The following PDE1A variants were observed in gnomAD, a reference collection of about 807,000 sequenced individuals.
PDE1A encodes the protein phosphodiesterase 1A, also known as dual specificity calcium/calmodulin-dependent 3',5'-cyclic nucleotide phosphodiesterase 1A.
In PDE1A, 35 loss-of-function variants were observed where a neutral mutation model predicts 61.7. The observed-to-expected ratio is 0.57, with a 90% CI of 0.43 to 0.75. The LOEUF is 0.75. Among genes scored for constraint, PDE1A ranks in the 30% least tolerant of loss-of-function variants. PDE1A has a pLI of 0.00. For missense variants in PDE1A, 597 were observed against 630.6 expected (o/e 0.95, Z 0.57); for synonymous variants, 232 against 213.2 (o/e 1.09, Z -0.77).
chr2:182,385,146 G>C (rs748391310), intron 1 of PDE1A, among the ~76,000 whole-genome samples: 11 of 152,154 alleles, frequency 7.2e-5, no homozygotes, highest in Admixed American at 1.3e-4. Context: ...CACCAGGCCT[G>C]TCTTACAAGA....
At chr2:182,662,090 T>C in the PDE1A span, among the ~76,000 whole-genome samples, 2 of 151,904 alleles carry the variant, frequency 1.3e-5, no homozygotes, top group Admixed American at 6.6e-5. Flanking sequence ...GGGCTTACCC[T>C]ACCTAACATG....
chr2:182,214,360 C>T lies in PDE1A; in HGVS notation c.777-8295G>A, dbSNP rs551527783. On this transcript the variant is annotated intron_variant, in intron 7 of 13. Coordinates refer to ENST00000351439, the Ensembl canonical transcript of PDE1A. ...ACTAGGAAGAAACTGCATCAACTAA[C>T]GAGCAAAATAACCAGCCAACATCAT... 7.6e-3 allele frequency among the ~76,000 whole-genome samples: 1,126 copies of T among 149,098 alleles called. 13 individuals are homozygous for T. The highest frequency in any genetic ancestry group is 0.025 in the African/African-American group (1,012 of 40,818).
At chr2:182,399,858 AG>A (rs760404807) in intron 1 of PDE1A, among the ~76,000 whole-genome samples, 2 of 152,108 alleles carry the variant, frequency 1.3e-5, no homozygotes, top group African/African-American at 2.4e-5. Flanking sequence ...TTTCTAATTT[AG>A]GCAGTTACAA....
intron 2 of PDE1A, among the ~76,000 whole-genome samples, chr2:182,493,766 TC>T (rs1257683453): frequency 4.6e-5 from 7 of 152,208 alleles, no homozygotes; most frequent in Non-Finnish European, 1.0e-4. Flanking sequence ...TGAGTTCATG[TC>T]CTTTGTAGGA....
At chr2:182,635,181 T>C in the PDE1A span, among the ~76,000 whole-genome samples, 1 of 152,094 alleles carries the variant, frequency 6.6e-6, no homozygotes, top group African/African-American at 2.4e-5. Flanking sequence ...TCGGTATTTT[T>C]TCTTTAGAAT....
chr2:182,348,932 G>C (rs1442267090), intron 1 of PDE1A, among the ~76,000 whole-genome samples: 1 of 152,074 alleles, frequency 6.6e-6, no homozygotes, highest in Non-Finnish European at 1.5e-5. Context: ...AAGGAGGTGG[G>C]ACAGTTTGAA....
At chr2:182,266,122 T>TA (rs1161653349) in intron 1 of PDE1A, among the ~76,000 whole-genome samples, 3 of 152,338 alleles carry the variant, frequency 2.0e-5, no homozygotes, top group Admixed American at 2.0e-4. Context: ...TTACTTTTTT[T>TA]ATGCCATTTA....
the PDE1A span, among the ~76,000 whole-genome samples, chr2:182,573,374 G>A: frequency 6.6e-6 from 1 of 152,086 alleles, no homozygotes; most frequent in Admixed American, 6.5e-5. Flanking sequence ...CAAGCTGAAC[G>A]ATGCCATAAG....
chr2:182,492,950 G>A (rs549743711), intron 2 of PDE1A, among the ~76,000 whole-genome samples: 2 of 151,768 alleles, frequency 1.3e-5, no homozygotes, highest in African/African-American at 2.4e-5. Flanking sequence ...TAGAATCAGT[G>A]TCAGTGTAAT....
At chr2:182,631,446 A>G in the PDE1A span, among the ~76,000 whole-genome samples, 3 of 152,208 alleles carry the variant, frequency 2.0e-5, no homozygotes, top group Non-Finnish European at 4.4e-5. Flanking sequence ...CAGGCTCTCA[A>G]TGGATTGTAC....
chr2:182,274,865 T>A (rs888872226), intron 1 of PDE1A, among the ~76,000 whole-genome samples: 1 of 152,152 alleles, frequency 6.6e-6, no homozygotes, highest in African/African-American at 2.4e-5. Context: ...TCTTTCTTTA[T>A]GATATCTTTG....
chr2:182,419,983 C>T (rs1703171780), intron 1 of PDE1A, among the ~76,000 whole-genome samples: 1 of 151,266 alleles, frequency 6.6e-6, no homozygotes, highest in African/African-American at 2.4e-5. Flanking sequence ...AGCTGATACC[C>T]TTACTTAATT....
intron 1 of PDE1A, among the ~76,000 whole-genome samples, chr2:182,349,230 T>C (rs895370270): frequency 3.5e-4 from 53 of 152,208 alleles, no homozygotes; most frequent in African/African-American, 1.2e-3. Flanking sequence ...CCTCTGTGGG[T>C]GAACAACTTA....
chr2:182,164,794 C>A (rs571003931), downstream of PDE1A, among the ~76,000 whole-genome samples: 48 of 152,210 alleles, frequency 3.2e-4, no homozygotes, highest in African/African-American at 1.0e-3. Context: ...ACAGAAGGGG[C>A]AGCATTTTGT....
intron 1 of PDE1A, among the ~76,000 whole-genome samples, chr2:182,389,663 A>G (rs1574526682): frequency 6.6e-6 from 1 of 152,220 alleles, no homozygotes; most frequent in East Asian, 1.9e-4. Flanking sequence ...TGTCAACTTC[A>G]TTGGATTGAA....
At chr2:182,681,352 G>C in the PDE1A span, among the ~76,000 whole-genome samples, 1 of 151,676 alleles carries the variant, frequency 6.6e-6, no homozygotes, top group Non-Finnish European at 1.5e-5. Context: ...CTGTTGCCCA[G>C]GCTGGAGTGC....
At chr2:182,150,475 A>C (rs1236059526) in intron 13 of PDE1A, among the ~76,000 whole-genome samples, 1 of 152,194 alleles carries the variant, frequency 6.6e-6, no homozygotes, top group African/African-American at 2.4e-5. Context: ...ATATATATAG[A>C]AAGCTGCTCA....
At chr2:182,689,924 A>T in the PDE1A span, among the ~76,000 whole-genome samples, 1 of 152,228 alleles carries the variant, frequency 6.6e-6, no homozygotes, top group African/African-American at 2.4e-5. Flanking sequence ...AAACTAGAAA[A>T]TTTAGAAGAA....
chr2:182,627,320 T>A, the PDE1A span, among the ~76,000 whole-genome samples: 8 of 86,538 alleles, frequency 9.2e-5, 1 homozygote, highest in South Asian at 6.3e-4. Flanking sequence ...AATATATATA[T>A]TATATATATA....
Sources: gnomAD v4.1 joint callset for allele counts (sites outside exome capture counted in the v4.1 genomes callset) on GRCh38, gnomAD v4.1.1 for gene constraint, MANE v1.5 for transcripts, NCBI Gene and HGNC (gene_info 2026-07-23, HGNC 2026-07-21) for gene names.